The following ZNF442 variants were observed in gnomAD, a reference collection of about 807,000 sequenced individuals.
The protein encoded by ZNF442 is zinc finger protein 442.
In ZNF442, 45 loss-of-function variants were observed where a neutral mutation model predicts 57.0. The ratio of observed to expected loss-of-function variants is 0.79; its 90% CI spans 0.62 to 1.01. The LOEUF is 1.01. Ranked by LOEUF, ZNF442 falls within the 50% of genes least tolerant of loss-of-function variation. The pLI is 0.00. For missense variants in ZNF442, 690 were observed against 756.5 expected (o/e 0.91, Z 1.03); for synonymous variants, 213 against 241.8 (o/e 0.88, Z 1.10).
rs1181947266 is a variant in ZNF442 at position 12,348,635 on chromosome 19, T to C, written c.*1066A>G. The C allele has an allele frequency of 6.6e-6, 1 of 152,202 alleles. No homozygotes were observed. Among genetic ancestry groups the C allele is most frequent in the Non-Finnish European group, 1.5e-5 (1 of 68,054 alleles). 9.4% of individuals were successfully genotyped at this position (152,202 alleles called of 1,614,324 possible). Reference sequence around the variant, plus strand: ...AAACTCAGCATCTGCAATCAGAACCTGGTTCATCCAACACAGATGATCATC... The same window carrying C: ...AAACTCAGCATCTGCAATCAGAACCCGGTTCATCCAACACAGATGATCATC... On this transcript the variant is annotated 3_prime_UTR_variant, in exon 6 of 6. Transcript: ENST00000242804.
In ZNF442 at chr19:12,348,588, T is replaced by C. The variant is rs1458481426; in HGVS notation, c.*1113A>G. On this transcript the variant is annotated 3_prime_UTR_variant, in exon 6 of 6. Transcript: ENST00000242804. ...CCCTCATGCTGAACAGATTCTGACA[T>C]TAGTATTATTTAGTCTCTTCCAAAC... 1 of 152,160 alleles carries C rather than the reference T, an allele frequency of 6.6e-6. No homozygotes were observed. Among genetic ancestry groups the C allele is most frequent in the Non-Finnish European group, 1.5e-5 (1 of 68,030 alleles). The allele number at this position is 152,160 out of a possible 1,614,324, so 9.4% of individuals were successfully genotyped here.
intron 2 of ZNF442, among the ~76,000 whole-genome samples, chr19:12,363,998 AG>A (rs111790654): frequency 2.6e-5 from 4 of 152,338 alleles, no homozygotes; most frequent in African/African-American, 9.6e-5. Context: ...ATCCGTACCC[AG>A]GGGAAAGAAA....
the ZNF442 span, chr19:12,373,624 C>T: frequency 3.9e-6 from 1 of 257,742 alleles, no homozygotes; most frequent in Non-Finnish European, 8.2e-6. Flanking sequence ...TCACTCTTGT[C>T]GCATCTGTTC....
At chr19:12,357,363 TTTTTTTTG>T (rs1969348988) in intron 3 of ZNF442, among the ~76,000 whole-genome samples, 1 of 138,076 alleles carries the variant, frequency 7.2e-6, no homozygotes, top group African/African-American at 3.0e-5. Context: ...TTTTTTTTTT[TTTTTTTTG>T]GACAGAGTCT....
chr19:12,369,232 G>T (rs534456801), upstream of ZNF442, among the ~76,000 whole-genome samples: 239 of 152,278 alleles, frequency 1.6e-3, 1 homozygote, highest in African/African-American at 5.5e-3. Context: ...GTAATTTTAA[G>T]CAGCTAGATA....
At position 12,350,036 on chromosome 19, in the gene ZNF442, C is replaced by G; in HGVS notation, c.1549G>C (p.Glu517Gln). ...AAGGCTTTCTTACATGTTTTACATTCATAAGGTTTTTCAGCCATGTGAGTC... is the reference window on the plus strand; with the variant it reads ...AAGGCTTTCTTACATGTTTTACATTGATAAGGTTTTTCAGCCATGTGAGTC... ...RRTHMAEKPY[E>Q]CKTCKKAFSH... The change falls in exon 6 of 6, where the codon GAA becomes CAA. Residue 517 changes from glutamate to glutamine, a missense_variant. By Grantham distance (29) the Glu-to-Gln change is conservative. Coordinates refer to ENST00000242804, the MANE Select transcript of ZNF442 (RefSeq NM_030824.3). 1 of 1,613,898 alleles carries G rather than the reference C, an allele frequency of 6.2e-7. No homozygotes were observed. Among genetic ancestry groups the G allele is most frequent in the South Asian group, 1.1e-5 (1 of 91,062 alleles).
upstream of ZNF442, among the ~76,000 whole-genome samples, chr19:12,367,722 G>A (rs1314032442): frequency 6.6e-6 from 1 of 152,028 alleles, no homozygotes; most frequent in Non-Finnish European, 1.5e-5. Flanking sequence ...AGGCTGGAGT[G>A]CAGTGGCACA....
At chr19:12,358,514 T>C (rs1429560931) in intron 3 of ZNF442, among the ~76,000 whole-genome samples, 3 of 152,258 alleles carry the variant, frequency 2.0e-5, no homozygotes, top group African/African-American at 7.2e-5. Flanking sequence ...AGGTATCTTT[T>C]TGGTGTACTG....
chr19:12,353,552 C>T (rs11667201), intron 3 of ZNF442, among the ~76,000 whole-genome samples: 1 of 152,192 alleles, frequency 6.6e-6, no homozygotes, highest in Non-Finnish European at 1.5e-5. Context: ...ACCAACATAA[C>T]TAATAACAGG....
Position 12,362,144 on chromosome 19 carries a change from C to T in ZNF442, c.78+1410G>A, listed in dbSNP as rs556781232. Among the ~76,000 whole-genome samples the T allele has an allele frequency of 1.5e-4, 23 of 152,374 alleles. No homozygotes were observed. In the South Asian group the frequency reaches 4.8e-3, roughly 32 times the overall value. Reference sequence around the variant, plus strand: ...TGCAGCCTCTGCCTGGCTGCCACCCCATCTGGGAAGCGAGGAGCATCTCTG... The same window carrying T: ...TGCAGCCTCTGCCTGGCTGCCACCCTATCTGGGAAGCGAGGAGCATCTCTG... On this transcript the variant is annotated intron_variant, in intron 3 of 5. Transcript: ENST00000242804.
At position 12,349,845 on chromosome 19, in the gene ZNF442, G is replaced by C; in HGVS notation, c.1740C>G (p.Ala580=). ...CTCGAAGGAAACGAGAACGAGTGAA[G>C]GCTTTACCACATTGTTGACATTCAT... The part of the protein sequence containing the change: ...KSYECQQCGK[A]FTRSRFLRGH... Residue 580 remains alanine (A), a synonymous_variant, in exon 6 of 6, where the codon GCC becomes GCG. Coordinates refer to ENST00000242804, the MANE Select transcript of ZNF442 (RefSeq NM_030824.3). 1 of 1,613,978 alleles carries C rather than the reference G, an allele frequency of 6.2e-7. No homozygotes were observed. The highest frequency in any genetic ancestry group is 8.5e-7 in the Non-Finnish European group (1 of 1,179,980).
intron 3 of ZNF442, among the ~76,000 whole-genome samples, chr19:12,358,383 T>C (rs1969369405): frequency 6.6e-6 from 1 of 152,228 alleles, no homozygotes; most frequent in Non-Finnish European, 1.5e-5. Context: ...TTTCATTCTT[T>C]TTCATGGCTG....
intron 3 of ZNF442, among the ~76,000 whole-genome samples, chr19:12,355,173 C>T (rs1432708830): frequency 2.0e-5 from 3 of 151,096 alleles, no homozygotes; most frequent in Non-Finnish European, 4.4e-5. Flanking sequence ...CACCTGTAGT[C>T]CCAGCTACTC....
At chr19:12,373,405 G>A in the ZNF442 span, among the ~76,000 whole-genome samples, 1 of 152,142 alleles carries the variant, frequency 6.6e-6, no homozygotes, top group Non-Finnish European at 1.5e-5. Flanking sequence ...AGCCAGGCAT[G>A]GTGGCGCACA....
chr19:12,361,680 C>T (rs984601669), intron 3 of ZNF442, among the ~76,000 whole-genome samples: 1 of 148,580 alleles, frequency 6.7e-6, no homozygotes, highest in Non-Finnish European at 1.5e-5. Flanking sequence ...CCCCCTCCCC[C>T]TCTGCCTCCC....
chr19:12,368,653 T>C (rs1969557254), upstream of ZNF442, among the ~76,000 whole-genome samples: 1 of 152,228 alleles, frequency 6.6e-6, no homozygotes, highest in Non-Finnish European at 1.5e-5. Context: ...GCTTGCCTCT[T>C]CTGCATTCCA....
chr19:12,354,685 C>G (rs995082921), intron 3 of ZNF442, among the ~76,000 whole-genome samples: 1 of 152,210 alleles, frequency 6.6e-6, no homozygotes, highest in Non-Finnish European at 1.5e-5. Context: ...ATTCTCCTGC[C>G]TCAGCCTCCT....
At chr19:12,355,947 G>A (rs1969321179) in intron 3 of ZNF442, among the ~76,000 whole-genome samples, 1 of 151,706 alleles carries the variant, frequency 6.6e-6, no homozygotes. Context: ...GCTGCAGAGA[G>A]CCTGGATGAC....
Position 12,346,336 on chromosome 19 carries a change from A to C in ZNF442, c.*3365T>G, listed in dbSNP as rs546774390. ...TATATAAACAACCAACAAAAACAAA[A>C]ACCAATGTGCATTATTATTGGTCAT... is the stretch of plus-strand genomic sequence containing the variant. On this transcript the variant is annotated 3_prime_UTR_variant, in exon 6 of 6. Transcript: ENST00000242804. The C allele has an allele frequency of 6.6e-6, 1 of 152,340 alleles. No individual in the cohort carries two copies. The highest frequency in any genetic ancestry group is 2.1e-4 in the South Asian group (1 of 4,828). The allele number at this position is 152,340 out of a possible 1,614,324, so 9.4% of individuals were successfully genotyped here. A position where few individuals can be genotyped will look rare whatever the true frequency, so the allele number is the denominator to read the frequency against.
Sources: gnomAD v4.1 joint callset for allele counts (sites outside exome capture counted in the v4.1 genomes callset) on GRCh38, gnomAD v4.1.1 for gene constraint, MANE v1.5 for transcripts, NCBI Gene and HGNC (gene_info 2026-07-23, HGNC 2026-07-21) for gene names.